PPP6R2: variants seen among roughly 807,000 people sequenced by gnomAD.
PPP6R2 encodes the protein serine/threonine-protein phosphatase 6 regulatory subunit 2.
A neutral mutation model predicts 100.2 loss-of-function variants in PPP6R2; 62 were observed. The observed-to-expected ratio is 0.62, with a 90% CI of 0.50 to 0.76. PPP6R2 has a LOEUF of 0.76. Ranked by LOEUF, PPP6R2 falls within the 30% of genes least tolerant of loss-of-function variation. The pLI is 0.00. For synonymous variants in PPP6R2, 525 were observed against 514.7 expected (o/e 1.02, Z -0.27); for missense variants, 1,142 against 1,276.3 (o/e 0.89, Z 1.60).
the PPP6R2 span, among the ~76,000 whole-genome samples, chr22:50,337,504 GGT>G: frequency 6.0e-5 from 8 of 133,846 alleles, no homozygotes; most frequent in African/African-American, 1.4e-4. Context: ...GTGTGTGTGC[GGT>G]GTGTGGGGTG....
chr22:50,376,197 G>C (rs1261397025), intron 2 of PPP6R2, among the ~76,000 whole-genome samples: 2 of 152,012 alleles, frequency 1.3e-5, no homozygotes, highest in Non-Finnish European at 2.9e-5. Flanking sequence ...GCTCATGCCT[G>C]TAACCCCAGC....
In PPP6R2 at chr22:50,431,413, G is replaced by A. The variant is rs778971846; in HGVS notation, c.1335+31G>A. The A allele has an allele frequency of 1.0e-5, 16 of 1,580,886 alleles. No individual in the cohort carries two copies. In the Admixed American group the frequency reaches 1.4e-4, roughly 13 times the overall value. Reference sequence around the variant, plus strand: ...TCCAAGAAGCATCCATCTTATCAGCGCCAACTGCGCCCCACTCAGACCGTG... The same window carrying A: ...TCCAAGAAGCATCCATCTTATCAGCACCAACTGCGCCCCACTCAGACCGTG... On this transcript the variant is annotated intron_variant, in intron 11 of 23. Coordinates refer to ENST00000612753, the MANE Select transcript of PPP6R2 (RefSeq NM_001242898.2). This position sits in a 1 kb window ranked among gnomAD's most constrained non-coding sequence, Gnocchi z 4.8.
intron 6 of PPP6R2, among the ~76,000 whole-genome samples, chr22:50,418,595 C>T (rs1047133892): frequency 6.6e-6 from 1 of 151,984 alleles, no homozygotes; most frequent in Non-Finnish European, 1.5e-5. Context: ...ACCGTGTTAG[C>T]CAGGATGGTC....
At chr22:50,351,915 TC>T (rs1217832874) in intron 1 of PPP6R2, among the ~76,000 whole-genome samples, 1 of 152,112 alleles carries the variant, frequency 6.6e-6, no homozygotes, top group Non-Finnish European at 1.5e-5. Flanking sequence ...TGCCTCAGCC[TC>T]CCCAGCAGCT....
At chr22:50,415,402 C>T (rs888075341) in intron 5 of PPP6R2, among the ~76,000 whole-genome samples, 6 of 152,198 alleles carry the variant, frequency 3.9e-5, no homozygotes, top group Admixed American at 1.3e-4. Flanking sequence ...AATGACTGAC[C>T]GCCACCAACC....
At chr22:50,381,114 CAAAAAA>C (rs768271991) in intron 2 of PPP6R2, among the ~76,000 whole-genome samples, 2 of 112,962 alleles carry the variant, frequency 1.8e-5, no homozygotes, top group African/African-American at 6.3e-5. Flanking sequence ...AACTTTGTCT[CAAAAAA>C]AAAAAAAAAA....
At chr22:50,404,657 C>T (rs2147067955) in intron 3 of PPP6R2, among the ~76,000 whole-genome samples, 1 of 144,268 alleles carries the variant, frequency 6.9e-6, no homozygotes, top group African/African-American at 2.5e-5. Flanking sequence ...GGCTAGTCTC[C>T]CACTCCTGAG....
chr22:50,416,752 C>T (rs2060595875), intron 6 of PPP6R2, among the ~76,000 whole-genome samples: 1 of 151,872 alleles, frequency 6.6e-6, no homozygotes, highest in African/African-American at 2.4e-5. Flanking sequence ...CACTTGAGGT[C>T]AGGAGTTTTG....
chr22:50,385,507 GT>G (rs71318815), intron 2 of PPP6R2, among the ~76,000 whole-genome samples: 39,002 of 131,390 alleles, frequency 0.3, 6,214 homozygotes, highest in Non-Finnish European at 0.41. Flanking sequence ...CAGGGATTAA[GT>G]TTTTTTTTTT....
In PPP6R2 at chr22:50,378,883, T is replaced by TA. The variant is rs112688457; in HGVS notation, c.-17+6750dup. Among the ~76,000 whole-genome samples, 477 of 128,430 alleles carry TA rather than the reference T, an allele frequency of 3.7e-3. 1 individual carries two copies. The highest frequency in any genetic ancestry group is 4.7e-3 in the Non-Finnish European group (277 of 58,682). The allele number at this position is 128,430 out of a possible 152,430, so 84.3% of individuals were successfully genotyped here. On this transcript the variant is annotated intron_variant, in intron 2 of 23. Transcript: ENST00000612753. Reference sequence around the variant, plus strand: ...CAACAGAATTAAACCCTGTCCCAATTAAAAAAAAAAAAAAAAAGGTGAGGC... The same window carrying TA: ...CAACAGAATTAAACCCTGTCCCAATTAAAAAAAAAAAAAAAAAAGGTGAGGC...
At chr22:50,383,948 A>G (rs1417417340) in intron 2 of PPP6R2, among the ~76,000 whole-genome samples, 2 of 150,774 alleles carry the variant, frequency 1.3e-5, no homozygotes, top group Non-Finnish European at 2.9e-5. Context: ...AGACGGGAGA[A>G]TCGCTTCAAC....
At chr22:50,390,644 A>G (rs900420329) in intron 2 of PPP6R2, among the ~76,000 whole-genome samples, 2 of 151,704 alleles carry the variant, frequency 1.3e-5, no homozygotes, top group Non-Finnish European at 2.9e-5. Context: ...GGGCAATGAG[A>G]GTGAAACTCC....
rs140795231 is a variant in PPP6R2, at chr22:50,436,428, G to A, written c.1578G>A (p.Thr526=). ...TCGTGGAGGAGACGCTGACGGAGAC[G>A]AACCGCAGGAACACTGTGGACCTGG... ...ESFVEETLTE[T]NRRNTVDLVS... is the part of the protein sequence containing the mutation. Residue 526 remains threonine (T), a synonymous_variant, in exon 14 of 24, where the codon ACG becomes ACA. Coordinates refer to ENST00000612753, the MANE Select transcript of PPP6R2 (RefSeq NM_001242898.2). 1.7e-5 allele frequency: 27 copies of A among 1,592,324 alleles called. No homozygotes were observed. The highest frequency in any genetic ancestry group is 4.5e-5 in the East Asian group (2 of 44,106).
intron 3 of PPP6R2, among the ~76,000 whole-genome samples, chr22:50,399,499 C>G (rs945830938): frequency 6.6e-6 from 1 of 152,260 alleles, no homozygotes; most frequent in Non-Finnish European, 1.5e-5. Flanking sequence ...AACCTGTTAG[C>G]CTTGGAGGTC....
chr22:50,439,601 T>C (rs2065141429), intron 19 of PPP6R2, 100 bp from the exon 20 acceptor site: 2 of 1,331,452 alleles, frequency 1.5e-6, no homozygotes, highest in Non-Finnish European at 2.0e-6. Context: ...CATCTTCCTG[T>C]CAACCTCTGA....
intron 22 of PPP6R2, among the ~76,000 whole-genome samples, chr22:50,441,885 A>G (rs1226925776): frequency 1.3e-5 from 2 of 152,158 alleles, no homozygotes; most frequent in African/African-American, 4.8e-5. Context: ...AGGGCCAGGT[A>G]AACCTGAGGG....
chr22:50,375,831 G>GTTTTTTTTTTT (rs2051379577), intron 2 of PPP6R2, among the ~76,000 whole-genome samples: 3 of 64,562 alleles, frequency 4.6e-5, no homozygotes, highest in African/African-American at 9.3e-5. Flanking sequence ...AATCCCTGCA[G>GTTTTTTTTTTT]ATTTTTTTTT....
At chr22:50,435,870 T>G (rs538566465) in intron 13 of PPP6R2, among the ~76,000 whole-genome samples, 2 of 152,302 alleles carry the variant, frequency 1.3e-5, no homozygotes, top group South Asian at 4.1e-4. Context: ...AGGAAGCTGT[T>G]GGATCATTCC....
intron 3 of PPP6R2, among the ~76,000 whole-genome samples, chr22:50,397,669 T>C (rs368321209): frequency 6.3e-4 from 48 of 76,656 alleles, no homozygotes; most frequent in African/African-American, 1.8e-3. Context: ...CTCTGAGGAG[T>C]GTGACTTGGG....
Sources: allele counts gnomAD v4.1 joint callset (sites outside exome capture counted in the v4.1 genomes callset), GRCh38; gene constraint gnomAD v4.1.1; non-coding constraint Gnocchi (gnomAD v3.1); transcripts MANE v1.5; gene names NCBI Gene and HGNC (gene_info 2026-07-23, HGNC 2026-07-21).